ZNF454: variants seen among roughly 807,000 people sequenced by gnomAD.
The protein encoded by ZNF454 is zinc finger protein 454.
A neutral mutation model predicts 48.2 loss-of-function variants in ZNF454; 30 were observed. The observed-to-expected ratio is 0.62, with a 90% CI of 0.47 to 0.84. The LOEUF (loss-of-function observed/expected upper bound fraction) is 0.84. ZNF454 is among the 40% of genes least tolerant of loss of function. The probability of loss-of-function intolerance (pLI) is 0.00; values close to 1 mark genes in which losing one functional copy is unlikely to be tolerated. For missense variants in ZNF454, 510 were observed against 623.1 expected, an observed-to-expected ratio of 0.82 and a Z score of 1.93; for synonymous variants, 204 against 211.4, an observed-to-expected ratio of 0.97 and a Z score of 0.30.
intron 4 of ZNF454, among the ~76,000 whole-genome samples, chr5:178,957,670 T>C (rs180734818): frequency 2.8e-4 from 43 of 152,244 alleles, no homozygotes; most frequent in African/African-American, 9.6e-4. Context: ...TAGGTCTCCT[T>C]AATTTAGCCT....
intron 4 of ZNF454, among the ~76,000 whole-genome samples, chr5:178,951,666 C>T (rs1759561889): frequency 6.6e-6 from 1 of 152,182 alleles, no homozygotes; most frequent in South Asian, 2.1e-4. Context: ...TTTATCCAGT[C>T]TCCTGCTGCT....
At chr5:178,970,310 C>A (rs148298959), downstream of ZNF454, among the ~76,000 whole-genome samples, 1 of 152,290 alleles carries the variant, frequency 6.6e-6, no homozygotes, top group East Asian at 1.9e-4. Context: ...CCATCTGTGT[C>A]GCAGTGGGAG....
intron 4 of ZNF454, among the ~76,000 whole-genome samples, chr5:178,952,654 G>C (rs1305609439): frequency 6.6e-6 from 1 of 152,092 alleles, no homozygotes; most frequent in Non-Finnish European, 1.5e-5. Flanking sequence ...ATCCATGAGG[G>C]AAGGACTTTG....
chr5:178,942,818 G>A lies in ZNF454; in HGVS notation c.27G>A (p.Met9Ile), dbSNP rs1410713836. 1 of 1,613,184 alleles carries A rather than the reference G, an allele frequency of 6.2e-7. No individual in the cohort carries two copies. The highest frequency in any genetic ancestry group is 8.5e-7 in the Non-Finnish European group (1 of 1,179,714). ...TGGCTGTCAGCCACCTGCCAACCAT[G>A]GTCCAGGTGAGTGGGGGTTTCTTCC... MAVSHLPTMVQESVTFKDV... is the reference protein window; with the variant it reads MAVSHLPTIVQESVTFKDV... Residue 9 changes from methionine (M) to isoleucine (I), a missense_variant, in exon 2 of 5, where the codon ATG becomes ATA. Physicochemically the swap from Met to Ile is conservative, Grantham distance 10 (BLOSUM62 1). Around this residue, in one of 3 missense-constraint regions of ZNF454, gnomAD observed 354 missense variants for 408.9 expected, o/e 0.87. Coordinates refer to ENST00000519564, the MANE Select transcript of ZNF454 (RefSeq NM_001178089.3).
intron 4 of ZNF454, among the ~76,000 whole-genome samples, chr5:178,959,657 G>C (rs1490493076): frequency 6.6e-6 from 1 of 152,056 alleles, no homozygotes; most frequent in East Asian, 1.9e-4. Context: ...CCAGGCTGGA[G>C]TGCAGTGGCA....
chr5:178,971,778 C>A, the ZNF454 span, among the ~76,000 whole-genome samples: 1 of 150,728 alleles, frequency 6.6e-6, no homozygotes, highest in Non-Finnish European at 1.5e-5. Context: ...ATGGTGTGAA[C>A]CCGGGAGGTG....
intron 2 of ZNF454, among the ~76,000 whole-genome samples, chr5:178,945,180 TTGTA>T (rs1462389838): frequency 8.0e-5 from 12 of 150,508 alleles, no homozygotes; most frequent in African/African-American, 1.2e-4. Flanking sequence ...GGCTGTGTCT[TTGTA>T]TGTGAGTTTG....
chr5:178,976,110 G>A, the ZNF454 span: 30 of 455,210 alleles, frequency 6.6e-5, 1 homozygote, highest in Middle Eastern at 6.5e-4. Context: ...TTGCCACTCC[G>A]CCTGCAGGAC....
At chr5:178,979,984 G>A in the ZNF454 span, 3 of 154,486 alleles carry the variant, frequency 1.9e-5, no homozygotes, top group East Asian at 3.9e-4. Context: ...CAAATGAAAC[G>A]TCCTAATGTG....
the ZNF454 span, chr5:178,985,553 A>T: frequency 8.9e-6 from 3 of 337,234 alleles, no homozygotes; most frequent in African/African-American, 2.2e-5. Flanking sequence ...AATACAAAAA[A>T]TTAGCCGGGC....
rs1759088333 is a variant in ZNF454, at chr5:178,941,500, G to A, written c.-108+56G>A. ...GGACGGCCAGGGGTGGTCATCCTGG[G>A]CTGAGGGTCGAGTCTGTGAGTGCCT... On this transcript the variant is annotated intron_variant, in intron 1 of 4. Coordinates refer to ENST00000519564, the MANE Select transcript of ZNF454 (RefSeq NM_001178089.3). This position sits in a 1 kb window ranked among gnomAD's most constrained non-coding sequence, Gnocchi z 5.5. 1 of 456,694 alleles carries A rather than the reference G, an allele frequency of 2.2e-6. No individual in the cohort carries two copies. Among genetic ancestry groups the A allele is most frequent in the Non-Finnish European group, 4.4e-6 (1 of 226,930 alleles). The allele number at this position is 456,694 out of a possible 1,614,324, so 28.3% of individuals were successfully genotyped here. A position where few individuals can be genotyped will look rare whatever the true frequency, so the allele number is the denominator to read the frequency against.
At chr5:178,943,870 A>G (rs1759210896) in intron 2 of ZNF454, among the ~76,000 whole-genome samples, 1 of 151,736 alleles carries the variant, frequency 6.6e-6, no homozygotes, top group Non-Finnish European at 1.5e-5. Context: ...CTAAAATTAC[A>G]AAAAAAATTA....
the ZNF454 span, chr5:178,982,836 T>C: frequency 9.5e-7 from 1 of 1,051,634 alleles, no homozygotes; most frequent in East Asian, 2.4e-5. Flanking sequence ...CGAACAAGCA[T>C]TTAATCTCAT....
At chr5:178,961,193 T>C (rs1214615887) in intron 4 of ZNF454, among the ~76,000 whole-genome samples, 1 of 151,624 alleles carries the variant, frequency 6.6e-6, no homozygotes, top group Admixed American at 6.6e-5. Flanking sequence ...CCTCCCAAAG[T>C]GCTAGGATTA....
chr5:178,964,147 G>A (rs914406363), intron 4 of ZNF454, among the ~76,000 whole-genome samples: 13 of 149,982 alleles, frequency 8.7e-5, no homozygotes, highest in Non-Finnish European at 1.6e-4. Context: ...TTGAGACGGA[G>A]TCTCACTCTG....
At chr5:178,975,931 A>G in the ZNF454 span, among the ~76,000 whole-genome samples, 1 of 152,104 alleles carries the variant, frequency 6.6e-6, no homozygotes, top group African/African-American at 2.4e-5. Context: ...TCTAATCTAT[A>G]TCTACATCTA....
At chr5:178,982,476 G>A in the ZNF454 span, among the ~76,000 whole-genome samples, 1 of 150,572 alleles carries the variant, frequency 6.6e-6, no homozygotes, top group South Asian at 2.1e-4. Context: ...TACGGGGGAG[G>A]CTGAGGCTGG....
chr5:178,982,304 G>A, the ZNF454 span, among the ~76,000 whole-genome samples: 10 of 152,236 alleles, frequency 6.6e-5, no homozygotes, highest in South Asian at 2.1e-4. Context: ...AAGCCTGGGC[G>A]CAGTGGCTCA....
At chr5:178,967,272 G>A (rs751433201), downstream of ZNF454, among the ~76,000 whole-genome samples, 61 of 152,226 alleles carry the variant, frequency 4.0e-4, no homozygotes, top group Non-Finnish European at 8.7e-4. Flanking sequence ...TCCATCTGTC[G>A]CTGCCCATTT....
Sources: allele counts gnomAD v4.1 joint callset (sites outside exome capture counted in the v4.1 genomes callset), GRCh38; gene constraint gnomAD v4.1.1; regional missense constraint gnomAD v4.1.1; non-coding constraint Gnocchi (gnomAD v3.1); transcripts MANE v1.5; gene names NCBI Gene and HGNC (gene_info 2026-07-23, HGNC 2026-07-21).